The following MYO3B variants were observed in gnomAD, a reference collection of about 807,000 sequenced individuals.
The protein encoded by MYO3B is myosin IIIB.
A neutral mutation model predicts 174.6 loss-of-function variants in MYO3B; 156 were observed. The ratio of observed to expected loss-of-function variants is 0.89; its 90% CI spans 0.78 to 1.02. The LOEUF is 1.02. Ranked by LOEUF, MYO3B falls within the 50% of genes least tolerant of loss-of-function variation. The pLI, the probability that MYO3B is intolerant of heterozygous loss-of-function variation, is 0.00. For missense variants in MYO3B, 1,632 were observed against 1,639.4 expected, an observed-to-expected ratio of 1.00 and a Z score of 0.08; for synonymous variants, 563 against 569.1, an observed-to-expected ratio of 0.99 and a Z score of 0.15.
intron 7 of MYO3B, among the ~76,000 whole-genome samples, chr2:170,301,278 G>T (rs2093663522): frequency 6.6e-6 from 1 of 152,096 alleles, no homozygotes; most frequent in Non-Finnish European, 1.5e-5. Flanking sequence ...ACTAATGAAG[G>T]TATTCTAAAC....
chr2:170,498,558 T>C, intron 25 of MYO3B, 34 bp from the exon 26 acceptor site: 1 of 1,471,212 alleles, frequency 6.8e-7, no homozygotes, highest in East Asian at 2.3e-5. Context: ...AAATGGTGAC[T>C]GAAAAGGCTT....
chr2:170,226,111 G>T (rs1440776348), intron 6 of MYO3B, among the ~76,000 whole-genome samples: 5 of 152,152 alleles, frequency 3.3e-5, no homozygotes, highest in African/African-American at 9.7e-5. Flanking sequence ...CAGTAAGAGT[G>T]AACTAATGTT....
chr2:170,558,159 A>G (rs375319726), intron 32 of MYO3B, among the ~76,000 whole-genome samples: 8 of 152,134 alleles, frequency 5.3e-5, no homozygotes, highest in Non-Finnish European at 8.8e-5. Context: ...AAATTAGCCG[A>G]GCATGGTGGC....
At chr2:170,604,045 A>T (rs1386372624) in intron 32 of MYO3B, among the ~76,000 whole-genome samples, 1 of 152,226 alleles carries the variant, frequency 6.6e-6, no homozygotes, top group Non-Finnish European at 1.5e-5. Context: ...ACATTATACC[A>T]TATAGCTTAG....
intron 7 of MYO3B, among the ~76,000 whole-genome samples, chr2:170,326,284 C>A (rs959059658): frequency 2.0e-5 from 3 of 152,082 alleles, no homozygotes; most frequent in African/African-American, 4.8e-5. Context: ...ATTTAGAGAA[C>A]AACATGATCT....
chr2:170,265,644 T>G (rs2093377778), intron 7 of MYO3B, among the ~76,000 whole-genome samples: 2 of 152,242 alleles, frequency 1.3e-5, no homozygotes, highest in Admixed American at 1.3e-4. Flanking sequence ...AGTAAAGGAC[T>G]GTTAGTCCCT....
chr2:170,326,766 T>C (rs2093871619), intron 7 of MYO3B, among the ~76,000 whole-genome samples: 8 of 152,228 alleles, frequency 5.3e-5, no homozygotes, highest in Non-Finnish European at 1.2e-4. Context: ...AACACTTACA[T>C]TTTGAGGTAG....
chr2:170,371,958 A>C (rs2094249144), intron 9 of MYO3B, among the ~76,000 whole-genome samples: 1 of 151,118 alleles, frequency 6.6e-6, no homozygotes, highest in Non-Finnish European at 1.5e-5. Flanking sequence ...TTAAATAAAT[A>C]ATAAAAAATA....
intron 7 of MYO3B, among the ~76,000 whole-genome samples, chr2:170,248,185 G>C (rs1267366416): frequency 6.6e-6 from 1 of 152,090 alleles, no homozygotes; most frequent in Non-Finnish European, 1.5e-5. Flanking sequence ...ACTTATCTCT[G>C]ATGAAAATAT....
intron 25 of MYO3B, among the ~76,000 whole-genome samples, chr2:170,482,960 C>G (rs575872149): frequency 6.6e-6 from 1 of 152,250 alleles, no homozygotes; most frequent in Admixed American, 6.5e-5. Flanking sequence ...GACAAAATCC[C>G]AAAACTAATT....
At chr2:170,411,705 C>T (rs373279413) in intron 22 of MYO3B, 4 of 152,202 alleles carry the variant, frequency 2.6e-5, no homozygotes, top group Non-Finnish European at 4.4e-5. Flanking sequence ...TTCCAGCTCC[C>T]ACTTTCCAGA....
chr2:170,211,520 G>A (rs755454542), intron 3 of MYO3B, among the ~76,000 whole-genome samples: 2 of 151,790 alleles, frequency 1.3e-5, no homozygotes, highest in Admixed American at 6.6e-5. Context: ...CGGTATTTTC[G>A]AAGGGGATAA....
intron 3 of MYO3B, among the ~76,000 whole-genome samples, chr2:170,211,288 A>G (rs1011341362): frequency 2.0e-5 from 3 of 152,178 alleles, no homozygotes; most frequent in African/African-American, 7.2e-5. Flanking sequence ...CAAGATACCC[A>G]AAGAGGAAAA....
intron 7 of MYO3B, among the ~76,000 whole-genome samples, chr2:170,254,162 T>A (rs1043838093): frequency 6.6e-6 from 1 of 151,966 alleles, no homozygotes; most frequent in African/African-American, 2.4e-5. Flanking sequence ...TCTGTGGCAC[T>A]ACACTCCCGC....
intron 25 of MYO3B, among the ~76,000 whole-genome samples, chr2:170,476,081 C>G (rs909723253): frequency 9.9e-5 from 15 of 152,134 alleles, no homozygotes; most frequent in African/African-American, 3.4e-4. Flanking sequence ...TGTCCCCCCC[C>G]ACAGGACATG....
intron 23 of MYO3B, among the ~76,000 whole-genome samples, chr2:170,445,843 G>T (rs1013559068): frequency 6.6e-6 from 1 of 152,154 alleles, no homozygotes; most frequent in Non-Finnish European, 1.5e-5. Context: ...TTGCTATGTT[G>T]TTCATGCTGG....
intron 22 of MYO3B, among the ~76,000 whole-genome samples, chr2:170,416,826 T>TC (rs2094583118): frequency 6.3e-5 from 1 of 15,772 alleles, no homozygotes; most frequent in Admixed American, 9.6e-4. Context: ...TTGTTTTTTT[T>TC]TTTTTTTTTT....
At chr2:170,319,142 C>T (rs558579284) in intron 7 of MYO3B, among the ~76,000 whole-genome samples, 48 of 152,294 alleles carry the variant, frequency 3.2e-4, no homozygotes, top group African/African-American at 1.1e-3. Flanking sequence ...ACTCTAAACA[C>T]TTTATGTAGT....
At chr2:170,600,077 T>C (rs1216648397) in intron 32 of MYO3B, among the ~76,000 whole-genome samples, 3 of 151,924 alleles carry the variant, frequency 2.0e-5, no homozygotes, top group East Asian at 3.9e-4. Flanking sequence ...GCAAAAATGG[T>C]CCACTGGATG....
Sources: allele counts gnomAD v4.1 joint callset (sites outside exome capture counted in the v4.1 genomes callset), GRCh38; gene constraint gnomAD v4.1.1; transcripts MANE v1.5; gene names NCBI Gene and HGNC (gene_info 2026-07-23, HGNC 2026-07-21).